Variants in ABCB5 observed in about 807,000 individuals in gnomAD.
The protein encoded by ABCB5 is ATP-binding cassette sub-family B member 5.
In ABCB5, 155 loss-of-function variants were observed where a neutral mutation model predicts 144.2. The ratio of observed to expected loss-of-function variants is 1.08; its 90% confidence interval spans 0.94 to 1.23. The LOEUF is 1.23. Among genes scored for constraint, ABCB5 ranks in the 50% most tolerant of loss-of-function variants. The pLI is 0.00. For missense variants in ABCB5, 1,830 were observed against 1,520.8 expected, an observed-to-expected ratio of 1.20 and a Z score of -3.38; for synonymous variants, 610 against 528.6, an observed-to-expected ratio of 1.15 and a Z score of -2.11.
chr7:20,755,862 T>C lies in ABCB5; in HGVS notation c.*238T>C, dbSNP rs1783073589. ...TTATATCCTTCACTTTATAAAACTA[T>C]TCTAGCACATTTGCTTGTAAAGCAG... On this transcript the variant is annotated 3_prime_UTR_variant, in exon 28 of 28. Transcript: ENST00000404938. The C allele has an allele frequency of 4.5e-6, 2 of 443,740 alleles. No homozygotes were observed. Among genetic ancestry groups the C allele is most frequent in the African/African-American group, 4.0e-5 (2 of 50,424 alleles). 27.5% of individuals were successfully genotyped at this position (443,740 alleles called of 1,614,324 possible). A position where few individuals can be genotyped will look rare whatever the true frequency, so the allele number is the denominator to read the frequency against.
chr7:20,749,093 G>C (rs1021907032), intron 26 of ABCB5, among the ~76,000 whole-genome samples: 1 of 150,272 alleles, frequency 6.7e-6, no homozygotes, highest in African/African-American at 2.5e-5. Context: ...TTTCTTGCTT[G>C]CTTTTCTTGT....
chr7:20,698,595 G>T (rs1786504407), intron 17 of ABCB5, 45 bp downstream of exon 17: 14 of 1,532,324 alleles, frequency 9.1e-6, no homozygotes, highest in Non-Finnish European at 1.1e-5. Flanking sequence ...TTTAAAGAAA[G>T]TATGACCTGA....
At chr7:20,667,136 T>G in intron 14 of ABCB5, 1 of 830,804 alleles carries the variant, frequency 1.2e-6, no homozygotes, top group Non-Finnish European at 1.5e-6. Flanking sequence ...CCCTTTTAAG[T>G]TATTAGATAT....
rs1169661937 is a variant in ABCB5 at position 20,755,588 on chromosome 7, A to G, written c.3738A>G (p.Ile1246Met). The G allele has an allele frequency of 1.9e-6, 3 of 1,614,254 alleles. No homozygotes were observed. Among genetic ancestry groups the G allele is most frequent in the South Asian group, 2.2e-5 (2 of 91,088 alleles). ...THQELLRNRDIYFKLVNAQSV... is the reference protein window; with the variant it reads ...THQELLRNRDMYFKLVNAQSV... ...AAGAGCTCCTGAGAAATCGAGACAT[A>G]TATTTTAAGTTAGTGAATGCACAGT... The change falls in exon 28 of 28, where the codon ATA becomes ATG. Residue 1246 changes from isoleucine (I) to methionine (M), a missense_variant. Transcript: ENST00000404938.
At chr7:20,733,716 G>A (rs1047850315) in intron 23 of ABCB5, among the ~76,000 whole-genome samples, 26 of 150,780 alleles carry the variant, frequency 1.7e-4, no homozygotes, top group Admixed American at 1.5e-3. Flanking sequence ...TCAGCTCGCC[G>A]CAAACTCCGC....
chr7:20,681,498 T>C lies in ABCB5; in HGVS notation c.1708-7T>C, dbSNP rs757691695. The stretch of plus-strand genomic sequence containing the variant: ...TCTATTTATTTTCTATGCATTTTAT[T>C]CTGTAGGCGAGCAAAGGTCGGACTA... On this transcript the variant is annotated splice_region_variant and splice_polypyrimidine_tract_variant and intron_variant, in intron 14 of 27. Transcript: ENST00000404938. 6.2e-7 allele frequency: 1 copy of C among 1,613,824 alleles called. No homozygotes were observed. The highest frequency in any genetic ancestry group is 1.7e-5 in the Admixed American group (1 of 59,986).
chr7:20,622,922 A>G (rs1272631306), intron 1 of ABCB5, among the ~76,000 whole-genome samples: 2 of 152,166 alleles, frequency 1.3e-5, no homozygotes, highest in African/African-American at 4.8e-5. Flanking sequence ...ATTTTCACCA[A>G]TTCCAGTCAA....
At chr7:20,721,087 C>T (rs1781852771) in intron 20 of ABCB5, among the ~76,000 whole-genome samples, 1 of 151,086 alleles carries the variant, frequency 6.6e-6, no homozygotes, top group Non-Finnish European at 1.5e-5. Flanking sequence ...ACTGATAAAA[C>T]TTGAAGGAAG....
At chr7:20,731,967 C>CCAAT (rs1312866866) in intron 23 of ABCB5, among the ~76,000 whole-genome samples, 2 of 152,164 alleles carry the variant, frequency 1.3e-5, no homozygotes, top group Non-Finnish European at 2.9e-5. Context: ...ATGCACAAAT[C>CCAAT]CAATAGCACC....
intron 15 of ABCB5, among the ~76,000 whole-genome samples, chr7:20,682,555 C>A (rs1340639019): frequency 6.6e-6 from 1 of 152,042 alleles, no homozygotes. Flanking sequence ...AGGTAGCTTT[C>A]CTTAAGTACT....
intron 26 of ABCB5, among the ~76,000 whole-genome samples, chr7:20,746,890 G>A (rs111625056): frequency 0.019 from 2,946 of 152,246 alleles, 97 homozygotes; most frequent in African/African-American, 0.067. Flanking sequence ...ACTTTAAAGG[G>A]AGATAGTTAA....
chr7:20,710,893 T>G lies in ABCB5; in HGVS notation c.2421+6086T>G, dbSNP rs1295340658. Among the ~76,000 whole-genome samples, 4 of 150,158 alleles carry G rather than the reference T, an allele frequency of 2.7e-5. 1 individual carries two copies. The highest frequency in any genetic ancestry group is 4.4e-5 in the Non-Finnish European group (3 of 67,420). On this transcript the variant is annotated intron_variant, in intron 20 of 27. Transcript: ENST00000404938. Reference sequence around the variant, plus strand: ...CTTTTGGATTAAAATTTTTTAGTATTCTATTTCATCTCTTTTTGGAGGAGT... The same window carrying G: ...CTTTTGGATTAAAATTTTTTAGTATGCTATTTCATCTCTTTTTGGAGGAGT...
intron 10 of ABCB5, 38 bp from the exon 11 acceptor site, chr7:20,647,930 C>G: frequency 7.5e-7 from 1 of 1,329,770 alleles, no homozygotes; most frequent in Non-Finnish European, 1.1e-6. Context: ...TCAGTTTACT[C>G]CTTTGAAGAT....
chr7:20,698,257 G>T, intron 16 of ABCB5, 150 bp from the exon 17 acceptor site: 1 of 579,772 alleles, frequency 1.7e-6, no homozygotes, highest in Non-Finnish European at 2.7e-6. Flanking sequence ...TAATAATACG[G>T]GCAGTGAATT....
At chr7:20,725,841 T>G (rs530075104) in intron 21 of ABCB5, among the ~76,000 whole-genome samples, 1 of 152,348 alleles carries the variant, frequency 6.6e-6, no homozygotes, top group Non-Finnish European at 1.5e-5. Flanking sequence ...GGAGGTTTCT[T>G]TAAGTCCATT....
chr7:20,754,153 A>G (rs1376528595), intron 27 of ABCB5, among the ~76,000 whole-genome samples: 1 of 152,220 alleles, frequency 6.6e-6, no homozygotes, highest in East Asian at 1.9e-4. Context: ...CTTCACAACA[A>G]CATGACGAAT....
At chr7:20,716,168 T>C (rs187127586) in intron 20 of ABCB5, among the ~76,000 whole-genome samples, 318 of 152,292 alleles carry the variant, frequency 2.1e-3, no homozygotes, top group African/African-American at 7.1e-3. Flanking sequence ...TTCGACAATA[T>C]AGATACTGTG....
At position 20,723,023 on chromosome 7, in the gene ABCB5, G is replaced by T. The variant is rs62453384; in HGVS notation, c.2429G>T (p.Gly810Val). The stretch of plus-strand genomic sequence containing the variant: ...AAATATGTCTGATTATAGGCAACAG[G>T]TTCCAGGATTGGCGTCTTAACACAA... ...IDIAQIQGAT[G>V]SRIGVLTQNA... Residue 810 changes from glycine (G) to valine (V), a missense_variant, in exon 21 of 28, where the codon GGT becomes GTT. Gly to Val is a moderately radical substitution (Grantham distance 109). Coordinates refer to ENST00000404938, the MANE Select transcript of ABCB5 (RefSeq NM_001163941.2). The T allele has an allele frequency of 0.34, 549,925 of 1,612,860 alleles. 98,556 individuals are homozygous for T. The highest frequency in any genetic ancestry group is 0.37 in the Non-Finnish European group (440,248 of 1,179,144).
chr7:20,644,570 C>T (rs1784362911), intron 7 of ABCB5, among the ~76,000 whole-genome samples: 2 of 152,162 alleles, frequency 1.3e-5, no homozygotes, highest in Admixed American at 6.5e-5. Context: ...GGTTTTGAAA[C>T]CGATACTCTG....
Sources: gnomAD v4.1 joint callset for allele counts (sites outside exome capture counted in the v4.1 genomes callset) on GRCh38, gnomAD v4.1.1 for gene constraint, MANE v1.5 for transcripts, NCBI Gene and HGNC (gene_info 2026-07-23, HGNC 2026-07-21) for gene names.